The following MSH3 variants were observed in gnomAD, a reference collection of about 807,000 sequenced individuals.
The protein encoded by MSH3 is DNA mismatch repair protein Msh3.
Under a neutral mutation model 123.3 loss-of-function variants are expected in MSH3, and 106 were observed. The observed-to-expected ratio is 0.86, with a 90% CI of 0.73 to 1.01. The LOEUF (loss-of-function observed/expected upper bound fraction) is 1.01. MSH3 is among the 50% of genes least tolerant of loss of function. MSH3 has a pLI of 0.00. For missense variants in MSH3, 1,459 were observed against 1,347.6 expected, an observed-to-expected ratio of 1.08 and a Z score of -1.29; for synonymous variants, 515 against 481.4, an observed-to-expected ratio of 1.07 and a Z score of -0.91.
chr5:80,836,883 C>T (rs934421263), intron 20 of MSH3, among the ~76,000 whole-genome samples: 8 of 151,648 alleles, frequency 5.3e-5, no homozygotes, highest in Non-Finnish European at 1.0e-4. Context: ...GATTGTATAC[C>T]CTCTAAAAGG....
At chr5:80,684,976 A>G (rs1427588503) in intron 8 of MSH3, among the ~76,000 whole-genome samples, 2 of 151,746 alleles carry the variant, frequency 1.3e-5, no homozygotes, top group Non-Finnish European at 2.9e-5. Context: ...ACTGATTTGC[A>G]TATGTTGAAC....
chr5:80,705,908 T>G (rs908560009), intron 8 of MSH3, among the ~76,000 whole-genome samples: 2 of 152,206 alleles, frequency 1.3e-5, no homozygotes, highest in African/African-American at 4.8e-5. Flanking sequence ...TAAAGTCACA[T>G]TATATACTGA....
intron 12 of MSH3, among the ~76,000 whole-genome samples, chr5:80,753,732 G>A (rs964416061): frequency 2.6e-5 from 4 of 152,008 alleles, no homozygotes; most frequent in African/African-American, 7.2e-5. Context: ...CACATTGGGG[G>A]GTGGGGTGAG....
At chr5:80,708,264 T>G (rs1365066853) in intron 8 of MSH3, among the ~76,000 whole-genome samples, 2 of 152,130 alleles carry the variant, frequency 1.3e-5, no homozygotes, top group African/African-American at 4.8e-5. Flanking sequence ...TTCTATAGTT[T>G]TAGCTTTTAA....
chr5:80,683,957 A>G (rs1186993841), intron 8 of MSH3, among the ~76,000 whole-genome samples: 2 of 150,094 alleles, frequency 1.3e-5, no homozygotes, highest in African/African-American at 4.9e-5. Flanking sequence ...TCCTCAGTGT[A>G]TGTTCTTGGC....
intron 8 of MSH3, among the ~76,000 whole-genome samples, chr5:80,708,499 C>G (rs1277980647): frequency 6.6e-6 from 1 of 151,446 alleles, no homozygotes; most frequent in Non-Finnish European, 1.5e-5. Context: ...GCTTTTTCGC[C>G]CAGGCTGGAG....
intron 20 of MSH3, among the ~76,000 whole-genome samples, chr5:80,839,530 T>A (rs1486471863): frequency 1.3e-5 from 2 of 152,314 alleles, no homozygotes; most frequent in East Asian, 3.9e-4. Context: ...ATATTTCCTG[T>A]GTATTTTAAT....
At chr5:80,676,814 T>C (rs1348251435) in intron 7 of MSH3, among the ~76,000 whole-genome samples, 1 of 152,224 alleles carries the variant, frequency 6.6e-6, no homozygotes, top group Non-Finnish European at 1.5e-5. Context: ...TATATTTACC[T>C]AAAACTCCTT....
chr5:80,725,815 A>T (rs1215050693), intron 9 of MSH3, among the ~76,000 whole-genome samples: 1 of 152,210 alleles, frequency 6.6e-6, no homozygotes, highest in Non-Finnish European at 1.5e-5. Context: ...ATGCCATTGC[A>T]GTCCAGCCGG....
chr5:80,829,215 T>C (rs901964627), intron 20 of MSH3, among the ~76,000 whole-genome samples: 1 of 152,218 alleles, frequency 6.6e-6, no homozygotes, highest in African/African-American at 2.4e-5. Flanking sequence ...TGAACCAAAG[T>C]ACTGTTTATT....
chr5:80,725,031 G>A (rs1417009198), intron 8 of MSH3, among the ~76,000 whole-genome samples: 4 of 151,772 alleles, frequency 2.6e-5, no homozygotes, highest in Non-Finnish European at 4.4e-5. Context: ...TGGCTAACAC[G>A]GTGAAACCCC....
At chr5:80,850,437 G>C (rs1259860876) in intron 20 of MSH3, among the ~76,000 whole-genome samples, 1 of 152,202 alleles carries the variant, frequency 6.6e-6, no homozygotes, top group Non-Finnish European at 1.5e-5. Context: ...AGGCTGGGCA[G>C]TTTACAAAAG....
chr5:80,740,808 T>C (rs902133728), intron 10 of MSH3, among the ~76,000 whole-genome samples: 1 of 150,712 alleles, frequency 6.6e-6, no homozygotes, highest in Non-Finnish European at 1.5e-5. Flanking sequence ...TCCGCCTCCC[T>C]GGTTCAAGTG....
At chr5:80,850,303 C>G (rs1561498666) in intron 20 of MSH3, among the ~76,000 whole-genome samples, 1 of 152,176 alleles carries the variant, frequency 6.6e-6, no homozygotes, top group African/African-American at 2.4e-5. Flanking sequence ...CTGTTGCAAC[C>G]TCTGTCTGTT....
intron 19 of MSH3, among the ~76,000 whole-genome samples, chr5:80,803,784 C>T (rs767994150): frequency 3.9e-5 from 6 of 152,030 alleles, no homozygotes; most frequent in Non-Finnish European, 5.9e-5. Flanking sequence ...CAGTTTCATT[C>T]TTCTGCATAT....
chr5:80,795,229 A>G lies in MSH3; in HGVS notation c.2655+2385A>G, dbSNP rs567045180. On this transcript the variant is annotated intron_variant, in intron 19 of 23. Coordinates refer to ENST00000265081, the MANE Select transcript of MSH3 (RefSeq NM_002439.5). Reference sequence around the variant, plus strand: ...GGGGATGTGAAGGGAAATACTTTGAATGACATCTAGTTTAATTTATAATAT... The same window carrying G: ...GGGGATGTGAAGGGAAATACTTTGAGTGACATCTAGTTTAATTTATAATAT... Among the ~76,000 whole-genome samples, 132 of 152,290 alleles carry G rather than the reference A, an allele frequency of 8.7e-4. 2 individuals are homozygous for G. The highest frequency in any genetic ancestry group is 1.1e-3 in the Non-Finnish European group (77 of 68,032).
chr5:80,734,050 A>C (rs1207491423), intron 10 of MSH3, among the ~76,000 whole-genome samples: 1 of 152,236 alleles, frequency 6.6e-6, no homozygotes, highest in Non-Finnish European at 1.5e-5. Context: ...AAACAACTCT[A>C]ATGTCCATCA....
At chr5:80,830,827 C>G (rs978311850) in intron 20 of MSH3, among the ~76,000 whole-genome samples, 4 of 152,196 alleles carry the variant, frequency 2.6e-5, no homozygotes, top group African/African-American at 9.7e-5. Flanking sequence ...CTGGATTGTT[C>G]TCTTGATTCT....
At chr5:80,833,696 C>T (rs1425463788) in intron 20 of MSH3, among the ~76,000 whole-genome samples, 1 of 152,242 alleles carries the variant, frequency 6.6e-6, no homozygotes, top group Non-Finnish European at 1.5e-5. Context: ...CCACGTCAGC[C>T]TCCCAAAGTG....
Sources: allele counts gnomAD v4.1 joint callset (sites outside exome capture counted in the v4.1 genomes callset), GRCh38; gene constraint gnomAD v4.1.1; transcripts MANE v1.5; gene names NCBI Gene and HGNC (gene_info 2026-07-23, HGNC 2026-07-21).